The following CDH4 variants were observed in gnomAD, a reference collection of about 807,000 sequenced individuals.
CDH4 encodes cadherin-4.
CDH4 carries 33 observed loss-of-function variants against 86.0 expected under a neutral mutation model. That is an observed-to-expected ratio of 0.38 (90% CI 0.29 to 0.51). The LOEUF is 0.51. Ranked by LOEUF, CDH4 falls within the 20% of genes least tolerant of loss-of-function variation. The pLI is 0.86. For missense variants in CDH4, 1,114 were observed against 1,307.4 expected (o/e 0.85, Z 2.28); for synonymous variants, 555 against 549.4 (o/e 1.01, Z -0.14).
intron 2 of CDH4, among the ~76,000 whole-genome samples, chr20:61,478,320 A>G (rs2085550602): frequency 6.6e-6 from 1 of 152,154 alleles, no homozygotes; most frequent in South Asian, 2.1e-4. Flanking sequence ...TCTAGCAGCA[A>G]TGGGTGTGTA....
At chr20:61,674,513 C>A (rs2087425735) in intron 2 of CDH4, among the ~76,000 whole-genome samples, 1 of 152,182 alleles carries the variant, frequency 6.6e-6, no homozygotes, top group Admixed American at 6.5e-5. Flanking sequence ...GGGCCCAGTG[C>A]TCAGCAGGGC....
At chr20:61,692,747 A>G (rs988812306) in intron 2 of CDH4, among the ~76,000 whole-genome samples, 1 of 152,152 alleles carries the variant, frequency 6.6e-6, no homozygotes, top group African/African-American at 2.4e-5. Context: ...ACTCATACAC[A>G]TTTCTGCAGC....
Position 61,517,695 on chromosome 20 carries a change from T to G in CDH4, c.170-225868T>G, listed in dbSNP as rs77935173. 2.0e-5 allele frequency among the ~76,000 whole-genome samples: 2 copies of G among 100,264 alleles called. No homozygotes were observed. Among genetic ancestry groups the G allele is most frequent in the African/African-American group, 4.6e-5 (1 of 21,900 alleles). 65.8% of individuals were successfully genotyped at this position (100,264 alleles called of 152,430 possible). On this transcript the variant is annotated intron_variant, in intron 2 of 15. Coordinates refer to ENST00000614565, the MANE Select transcript of CDH4 (RefSeq NM_001794.5). The surrounding 1 kb of genome is among the most constrained non-coding windows in gnomAD (Gnocchi z 6.6). ...CATGGAGGGAATGAACAAGGAGGGG[T>G]TGTCGGACGTGTTCAGGACAGGAAC...
intron 2 of CDH4, among the ~76,000 whole-genome samples, chr20:61,361,386 G>C (rs2084782452): frequency 6.6e-6 from 1 of 152,122 alleles, no homozygotes; most frequent in Non-Finnish European, 1.5e-5. Context: ...TGTAGAAATG[G>C]GCAGATGAGA....
intron 2 of CDH4, among the ~76,000 whole-genome samples, chr20:61,466,548 A>T (rs2085472273): frequency 6.6e-6 from 1 of 152,260 alleles, no homozygotes; most frequent in South Asian, 2.1e-4. Context: ...TGCATTAAGA[A>T]TTCATTCTTT....
At chr20:61,542,280 C>T (rs2086045406) in intron 2 of CDH4, among the ~76,000 whole-genome samples, 1 of 152,154 alleles carries the variant, frequency 6.6e-6, no homozygotes, top group African/African-American at 2.4e-5. Flanking sequence ...TCACATGTGG[C>T]CAGGTTTCTA....
chr20:61,775,448 A>G (rs1199079828), intron 4 of CDH4, among the ~76,000 whole-genome samples: 5 of 152,182 alleles, frequency 3.3e-5, no homozygotes, highest in Admixed American at 6.5e-5. Flanking sequence ...TTTTCTGTGA[A>G]GGGCCAGGTG....
intron 2 of CDH4, among the ~76,000 whole-genome samples, chr20:61,625,805 C>T (rs575068866): frequency 3.5e-4 from 54 of 152,360 alleles, no homozygotes; most frequent in African/African-American, 1.3e-3. Context: ...ACCACATCAT[C>T]TGTACTTACC....
rs746040800 is a variant in CDH4, at chr20:61,829,514, A to C, written c.577-15154A>C. On this transcript the variant is annotated intron_variant, in intron 4 of 15. Transcript: ENST00000614565. This position sits in a 1 kb window ranked among gnomAD's most constrained non-coding sequence, Gnocchi z 4.2. Reference sequence around the variant, plus strand: ...TTGATTCTTAGGGTGTCTGCCCAGCAGTGGGATTGCTGGGTCACGCATGCA... The same window carrying C: ...TTGATTCTTAGGGTGTCTGCCCAGCCGTGGGATTGCTGGGTCACGCATGCA... 3.9e-5 allele frequency among the ~76,000 whole-genome samples: 6 copies of C among 152,318 alleles called. No homozygotes were observed. The highest frequency in any genetic ancestry group is 4.4e-5 in the Non-Finnish European group (3 of 68,030).
Position 61,661,093 on chromosome 20 carries a change from G to GGGGGC in CDH4, c.170-82468_170-82467insGGCGG, listed in dbSNP as rs907816921. Among the ~76,000 whole-genome samples, 529 of 102,198 alleles carry GGGGGC rather than the reference G, an allele frequency of 5.2e-3. 60 individuals are homozygous for GGGGGC. The highest frequency in any genetic ancestry group is 0.01 in the Non-Finnish European group (386 of 38,400). 67.0% of individuals were successfully genotyped at this position (102,198 alleles called of 152,430 possible). A position where few individuals can be genotyped will look rare whatever the true frequency, so the allele number is the denominator to read the frequency against. ...TGGACAGGAGGCATGGCGGGGGGGG[G>GGGGGC]GGAGACACAGTGCCAGGCTCATGCC... is the stretch of plus-strand genomic sequence containing the variant. On this transcript the variant is annotated intron_variant, in intron 2 of 15. Coordinates refer to ENST00000614565, the MANE Select transcript of CDH4 (RefSeq NM_001794.5).
chr20:61,369,039 T>C (rs2084825553), intron 2 of CDH4, among the ~76,000 whole-genome samples: 1 of 152,190 alleles, frequency 6.6e-6, no homozygotes, highest in African/African-American at 2.4e-5. Context: ...CTGTAGTTCG[T>C]AGCCTACTAT....
At chr20:61,771,010 C>CTTTTTTTTTTTTTTTT (rs756131628) in intron 3 of CDH4, among the ~76,000 whole-genome samples, 1 of 130,376 alleles carries the variant, frequency 7.7e-6, no homozygotes, top group African/African-American at 2.8e-5. Context: ...TTCTTTTTTT[C>CTTTTTTTTTTTTTTTT]TTTTTTTTTT....
chr20:61,454,208 G>A (rs1246687454), intron 2 of CDH4, among the ~76,000 whole-genome samples: 1 of 152,208 alleles, frequency 6.6e-6, no homozygotes, highest in Non-Finnish European at 1.5e-5. Context: ...TGGGCCGGCT[G>A]CTGGGATACA....
At chr20:61,871,217 A>G (rs1983791273) in intron 6 of CDH4, among the ~76,000 whole-genome samples, 1 of 152,142 alleles carries the variant, frequency 6.6e-6, no homozygotes, top group Non-Finnish European at 1.5e-5. Flanking sequence ...TTTATCATTT[A>G]TCACATTTAG....
chr20:61,857,962 T>G (rs1983101843), intron 6 of CDH4, among the ~76,000 whole-genome samples: 1 of 119,346 alleles, frequency 8.4e-6, no homozygotes, highest in African/African-American at 2.7e-5. Context: ...TCTGTGTGTG[T>G]CTCTGTGTGT....
chr20:61,875,937 A>AACAC (rs34781850), intron 7 of CDH4, among the ~76,000 whole-genome samples: 3 of 151,158 alleles, frequency 2.0e-5, no homozygotes, highest in African/African-American at 7.3e-5. Flanking sequence ...GCGCTCCCCC[A>AACAC]ACACACACAC....
chr20:61,491,808 G>A (rs2145589346), intron 2 of CDH4, among the ~76,000 whole-genome samples: 1 of 152,152 alleles, frequency 6.6e-6, no homozygotes, highest in African/African-American at 2.4e-5. Context: ...TGATGTTGGT[G>A]GTGCCATTGT....
intron 2 of CDH4, among the ~76,000 whole-genome samples, chr20:61,459,485 C>T (rs1279251359): frequency 7.0e-6 from 1 of 143,140 alleles, no homozygotes; most frequent in African/African-American, 2.5e-5. Flanking sequence ...CCCCAGGACT[C>T]CAGTGTTGGC....
intron 3 of CDH4, among the ~76,000 whole-genome samples, chr20:61,765,696 A>G (rs2088690207): frequency 1.3e-5 from 2 of 152,106 alleles, no homozygotes; most frequent in African/African-American, 4.8e-5. Flanking sequence ...CATTTCAGGA[A>G]CAGCAAGACC....
Sources: gnomAD v4.1 joint callset for allele counts (sites outside exome capture counted in the v4.1 genomes callset) on GRCh38, gnomAD v4.1.1 for gene constraint, Gnocchi (gnomAD v3.1) non-coding constraint, MANE v1.5 for transcripts, NCBI Gene and HGNC (gene_info 2026-07-23, HGNC 2026-07-21) for gene names.